The following FOXP4 variants were observed in gnomAD, a reference collection of about 807,000 sequenced individuals.
FOXP4 encodes forkhead box P4, also known as forkhead box protein P4.
FOXP4 carries 25 observed loss-of-function variants against 82.6 expected under a neutral mutation model. The ratio of observed to expected loss-of-function variants is 0.30; its 90% CI spans 0.22 to 0.42. The LOEUF (loss-of-function observed/expected upper bound fraction) is 0.42. Ranked by LOEUF, FOXP4 falls within the 10% of genes least tolerant of loss-of-function variation. The probability of loss-of-function intolerance (pLI) is 1.00; values close to 1 mark genes in which losing one functional copy is unlikely to be tolerated. For synonymous variants in FOXP4, 415 were observed against 388.2 expected (o/e 1.07, Z -0.81); for missense variants, 785 against 900.9 (o/e 0.87, Z 1.65).
intron 2 of FOXP4, among the ~76,000 whole-genome samples, chr6:41,567,962 G>A (rs978367534): frequency 6.6e-6 from 1 of 152,208 alleles, no homozygotes; most frequent in African/African-American, 2.4e-5. Context: ...GAACATATTT[G>A]AGACTTAAAA....
intron 1 of FOXP4, among the ~76,000 whole-genome samples, chr6:41,555,672 C>T (rs562293269): frequency 5.9e-5 from 9 of 152,208 alleles, no homozygotes; most frequent in Non-Finnish European, 1.0e-4. Flanking sequence ...TTTAATTAGC[C>T]GTCTCTGATT....
rs776045716 is a variant in FOXP4 at position 41,598,857 on chromosome 6, G to T, written c.1964G>T (p.Gly655Val). The T allele has an allele frequency of 1.3e-6, 2 of 1,591,734 alleles. No individual in the cohort carries two copies. The highest frequency in any genetic ancestry group is 2.3e-5 in the South Asian group (2 of 87,198). ...EEDRQPGPPL[G>V]APNPSASGPP... ...GACAGGCAGCCCGGGCCTCCCCTGG[G>T]CGCCCCTAACCCCAGCGCCTCGGGG... Residue 655 changes from glycine (G) to valine (V), a missense_variant, in exon 17 of 17, where the codon GGC (glycine) becomes GTC (valine). By Grantham distance (109) the Gly-to-Val change is moderately radical (BLOSUM62 -3). This residue lies in a region of FOXP4 where 184 missense variants were observed against 187.3 expected (regional missense o/e 0.98). Coordinates refer to ENST00000307972, the MANE Select transcript of FOXP4 (RefSeq NM_001012426.2).
intron 15 of FOXP4, among the ~76,000 whole-genome samples, 166 bp from the exon 16 acceptor site, chr6:41,597,615 T>G (rs1331904003): frequency 6.6e-6 from 1 of 152,052 alleles, no homozygotes; most frequent in Non-Finnish European, 1.5e-5. Context: ...GGGTGCTACA[T>G]TCAAAGGCTG....
intron 14 of FOXP4, 62 bp from the exon 15 acceptor site, chr6:41,597,114 A>C: frequency 6.5e-7 from 1 of 1,546,472 alleles, no homozygotes; most frequent in Non-Finnish European, 8.9e-7. Context: ...GTGAGAGTAA[A>C]GAGATGCGAA....
chr6:41,572,715 G>C (rs991915893), intron 2 of FOXP4, among the ~76,000 whole-genome samples: 2 of 152,176 alleles, frequency 1.3e-5, no homozygotes, highest in Non-Finnish European at 2.9e-5. Flanking sequence ...GAAGTTTGGA[G>C]TTTGTTTGTT....
In FOXP4 at chr6:41,591,614, T is replaced by G. The variant is rs1008639356; in HGVS notation, c.1536+292T>G. Among the ~76,000 whole-genome samples, 11 of 152,148 alleles carry G rather than the reference T, an allele frequency of 7.2e-5. No individual in the cohort carries two copies. The highest frequency in any genetic ancestry group is 2.7e-4 in the African/African-American group (11 of 41,422). ...CCCCAAAGACGCCAGCCCCACGAGG[T>G]AGGGCCTCTAGGAATTGCTAATGCC... On this transcript the variant is annotated intron_variant, in intron 13 of 16. Transcript: ENST00000307972. This position sits in a 1 kb window ranked among gnomAD's most constrained non-coding sequence, Gnocchi z 4.2.
intron 1 of FOXP4, among the ~76,000 whole-genome samples, chr6:41,550,331 A>G (rs1763927643): frequency 6.6e-6 from 1 of 152,226 alleles, no homozygotes; most frequent in South Asian, 2.1e-4. Context: ...GATGTCAAGT[A>G]CCTTGCACGG....
At chr6:41,596,364 C>A (rs1766833634) in intron 14 of FOXP4, among the ~76,000 whole-genome samples, 1 of 152,146 alleles carries the variant, frequency 6.6e-6, no homozygotes, top group African/African-American at 2.4e-5. Flanking sequence ...GAGAGGAGAG[C>A]AAGTTAGATG....
In FOXP4 at chr6:41,588,665, C is replaced by A. The variant is rs1344919265; in HGVS notation, c.999C>A (p.Ala333=). 6.2e-7 allele frequency: 1 copy of A among 1,614,100 alleles called. No homozygotes were observed. Among genetic ancestry groups the A allele is most frequent in the Non-Finnish European group, 8.5e-7 (1 of 1,180,034 alleles). Residue 333 remains alanine (A), a synonymous_variant, in exon 9 of 17, where the codon GCC becomes GCA. Coordinates refer to ENST00000307972, the MANE Select transcript of FOXP4 (RefSeq NM_001012426.2). ...GAAGACACCTCAACACAGAGCACGC[C>A]CTGGATGACCGGAGTACAGCCCAGT... ...QFIKHLNTEH[A]LDDRSTAQCR... is the part of the protein sequence containing the mutation.
At position 41,600,439 on chromosome 6, in the gene FOXP4, C is replaced by T. The variant is rs565437989; in HGVS notation, c.*1503C>T. On this transcript the variant is annotated 3_prime_UTR_variant, in exon 17 of 17. Coordinates refer to ENST00000307972, the MANE Select transcript of FOXP4 (RefSeq NM_001012426.2). ...CCAAGGACTGGGCGTATCGGATGCTCATAACACCCCTGGCCTGGCCCCTTT... is the reference window on the plus strand; with the variant it reads ...CCAAGGACTGGGCGTATCGGATGCTTATAACACCCCTGGCCTGGCCCCTTT... The T allele has an allele frequency of 6.5e-6, 1 of 152,678 alleles. No individual in the cohort carries two copies. Among genetic ancestry groups the T allele is most frequent in the South Asian group, 2.1e-4 (1 of 4,832 alleles). 9.5% of individuals were successfully genotyped at this position (152,678 alleles called of 1,614,324 possible). A position where few individuals can be genotyped will look rare whatever the true frequency, so the allele number is the denominator to read the frequency against.
intron 14 of FOXP4, 144 bp from the exon 15 acceptor site, chr6:41,597,032 A>G: frequency 2.5e-6 from 2 of 815,372 alleles, no homozygotes; most frequent in Non-Finnish European, 4.2e-6. Flanking sequence ...CACAGCTCCA[A>G]GACAGCGGCT....
rs376822495 is a variant in FOXP4, at chr6:41,587,166, C to T, written c.658+10C>T. The stretch of plus-strand genomic sequence containing the variant: ...CAGACCCTTCCGCAAGGTGAGCACC[C>T]GCCACTCCTCCCCTCCCAGCCCCAA... On this transcript the variant is annotated intron_variant, in intron 6 of 16. Coordinates refer to ENST00000307972, the MANE Select transcript of FOXP4 (RefSeq NM_001012426.2). 129 of 1,606,378 alleles carry T rather than the reference C, an allele frequency of 8.0e-5. No individual in the cohort carries two copies. The highest frequency in any genetic ancestry group is 3.3e-4 in the African/African-American group (25 of 74,890).
chr6:41,578,125 G>A lies in FOXP4; in HGVS notation c.300+44G>A, dbSNP rs756620453. 16 of 1,551,106 alleles carry A rather than the reference G, an allele frequency of 1.0e-5. No individual in the cohort carries two copies. The African/African-American group carries it at 2.0e-4, about 20-fold the overall frequency. On this transcript the variant is annotated intron_variant, in intron 3 of 16. Transcript: ENST00000307972. ...CGCTGGCTCTGGGTTGGGCTGGAGTGTGGGCCTGGCACAGAGGGAGGGCAA... is the reference window on the plus strand; with the variant it reads ...CGCTGGCTCTGGGTTGGGCTGGAGTATGGGCCTGGCACAGAGGGAGGGCAA...
At chr6:41,581,810 T>C (rs1274533604) in intron 3 of FOXP4, among the ~76,000 whole-genome samples, 1 of 152,212 alleles carries the variant, frequency 6.6e-6, no homozygotes, top group Non-Finnish European at 1.5e-5. Context: ...GAAAAGCAAG[T>C]GCCAAGGAGG....
At chr6:41,576,445 A>G (rs1229326758) in intron 2 of FOXP4, among the ~76,000 whole-genome samples, 2 of 152,162 alleles carry the variant, frequency 1.3e-5, no homozygotes, top group Admixed American at 6.5e-5. Context: ...TGGTGCAGCC[A>G]TATCCCACCT....
At chr6:41,553,543 G>C (rs1409640837) in intron 1 of FOXP4, among the ~76,000 whole-genome samples, 1 of 152,314 alleles carries the variant, frequency 6.6e-6, no homozygotes. Flanking sequence ...GCTGGGATTT[G>C]CCCTTTCAGA....
chr6:41,584,729 TGGGGTCC>T lies in FOXP4; in HGVS notation c.301-39_301-33del, dbSNP rs769131233. 14 of 1,534,670 alleles carry T rather than the reference TGGGGTCC, an allele frequency of 9.1e-6. No homozygotes were observed. In the East Asian group the frequency reaches 1.5e-4, roughly 16 times the overall value. ...CCCTGGGTGGTGCCTCCTCCTGGGT[TGGGGTCC>T]AGGGGACAGGGCTAACGGGCCGAAT... On this transcript the variant is annotated intron_variant, in intron 3 of 16. Transcript: ENST00000307972.
intron 1 of FOXP4, among the ~76,000 whole-genome samples, chr6:41,564,984 TG>T (rs879282914): frequency 1.3e-5 from 2 of 151,994 alleles, no homozygotes; most frequent in Non-Finnish European, 2.9e-5. Context: ...CCATTTCAGG[TG>T]GGGGTAGGAA....
At chr6:41,596,478 G>A (rs1766840395) in intron 14 of FOXP4, among the ~76,000 whole-genome samples, 1 of 152,214 alleles carries the variant, frequency 6.6e-6, no homozygotes, top group South Asian at 2.1e-4. Flanking sequence ...ATGGAGGGAA[G>A]CCATCCCCTG....
Sources: gnomAD v4.1 joint callset for allele counts (sites outside exome capture counted in the v4.1 genomes callset) on GRCh38, gnomAD v4.1.1 for gene constraint, gnomAD v4.1.1 regional missense constraint, Gnocchi (gnomAD v3.1) non-coding constraint, MANE v1.5 for transcripts, NCBI Gene and HGNC (gene_info 2026-07-23, HGNC 2026-07-21) for gene names.